The following NPAS3 variants were observed in gnomAD, a reference collection of about 807,000 sequenced individuals.
The protein encoded by NPAS3 is neuronal PAS domain protein 3.
NPAS3 carries 14 observed loss-of-function variants against 73.1 expected under a neutral mutation model. The observed-to-expected ratio is 0.19, with a 90% confidence interval of 0.13 to 0.30. The LOEUF is 0.30. Ranked by LOEUF, NPAS3 falls within the 10% of genes least tolerant of loss-of-function variation. NPAS3 has a pLI of 1.00. For missense variants in NPAS3, 1,096 were observed against 1,250.0 expected (o/e 0.88, Z 1.86); for synonymous variants, 620 against 541.5 (o/e 1.14, Z -2.01).
At chr14:33,426,315 C>T (rs2048552938) in intron 4 of NPAS3, among the ~76,000 whole-genome samples, 1 of 152,022 alleles carries the variant, frequency 6.6e-6, no homozygotes, top group Admixed American at 6.6e-5. Flanking sequence ...CAGATGAAGC[C>T]TCCTGGCAGG....
At chr14:33,804,122 T>G (rs1486171463), downstream of NPAS3, 3 of 152,230 alleles carry the variant, frequency 2.0e-5, no homozygotes, top group African/African-American at 4.8e-5. Context: ...TGTAACTTAA[T>G]TTTTTCATCC....
chr14:33,800,794 C>T lies in NPAS3; in HGVS notation c.2487C>T (p.Ile829=), dbSNP rs760350930. The change falls in exon 12 of 12, where the codon ATC becomes ATT. Residue 829 remains isoleucine, a synonymous_variant. Coordinates refer to ENST00000356141, the Ensembl canonical transcript of NPAS3. This position sits in a 1 kb window ranked among gnomAD's most constrained non-coding sequence, Gnocchi z 6.5. ...AGAGGGTCTACACCACGGGCACCAT[C>T]CGCTACGCGCCCGCCGAGGTGACCC... is the stretch of plus-strand genomic sequence containing the variant. The T allele has an allele frequency of 4.4e-6, 7 of 1,589,028 alleles. No homozygotes were observed. The Admixed American group carries it at 5.3e-5, about 12-fold the overall frequency.
intron 1 of NPAS3, among the ~76,000 whole-genome samples, chr14:32,968,395 T>G (rs1248467585): frequency 6.6e-6 from 1 of 152,216 alleles, no homozygotes; most frequent in African/African-American, 2.4e-5. Context: ...AAAAACTTCC[T>G]AATGTACCTG....
intron 1 of NPAS3, among the ~76,000 whole-genome samples, chr14:32,947,094 T>A (rs777596770): frequency 7.9e-5 from 12 of 152,212 alleles, no homozygotes; most frequent in Non-Finnish European, 1.6e-4. Context: ...TATTTCATTA[T>A]ATCTGATGAA....
At chr14:33,375,691 A>G (rs2046284025) in intron 4 of NPAS3, among the ~76,000 whole-genome samples, 1 of 152,174 alleles carries the variant, frequency 6.6e-6, no homozygotes. Flanking sequence ...CTATGTCCTC[A>G]CCTCAAATAA....
At chr14:33,588,970 G>T (rs1330806926) in intron 5 of NPAS3, among the ~76,000 whole-genome samples, 3 of 152,102 alleles carry the variant, frequency 2.0e-5, no homozygotes, top group Non-Finnish European at 4.4e-5. Context: ...ATAGCTGAGG[G>T]AACACTGTCT....
intron 2 of NPAS3, among the ~76,000 whole-genome samples, chr14:33,121,645 A>C (rs2139038880): frequency 6.6e-6 from 1 of 152,268 alleles, no homozygotes; most frequent in Admixed American, 6.5e-5. Flanking sequence ...TCTCTGACAT[A>C]ACTTTTTAAA....
chr14:33,727,172 G>C (rs530392090), intron 6 of NPAS3, among the ~76,000 whole-genome samples: 1 of 149,174 alleles, frequency 6.7e-6, no homozygotes, highest in Non-Finnish European at 1.5e-5. Context: ...TAAACATGGC[G>C]GTTCAGCTGG....
intron 4 of NPAS3, among the ~76,000 whole-genome samples, chr14:33,419,946 A>G (rs2048304983): frequency 6.6e-6 from 1 of 151,978 alleles, no homozygotes. Flanking sequence ...TGGAAAATAT[A>G]CTTCCAAGTT....
intron 1 of NPAS3, among the ~76,000 whole-genome samples, chr14:33,043,399 G>T (rs2040407297): frequency 6.6e-6 from 1 of 152,052 alleles, no homozygotes; most frequent in Admixed American, 6.6e-5. Flanking sequence ...TCCCTCCAAT[G>T]AATTGTTGTG....
At chr14:33,687,084 T>A (rs1424404190) in intron 6 of NPAS3, among the ~76,000 whole-genome samples, 2 of 152,240 alleles carry the variant, frequency 1.3e-5, no homozygotes, top group East Asian at 3.9e-4. Flanking sequence ...GGAATTAAGA[T>A]AACATTTAGA....
upstream of NPAS3, among the ~76,000 whole-genome samples, chr14:32,935,204 G>A (rs2035658314): frequency 6.6e-6 from 1 of 152,208 alleles, no homozygotes; most frequent in African/African-American, 2.4e-5. Flanking sequence ...CTGGCGAAGT[G>A]AAATCATCCT....
At chr14:33,160,417 A>C (rs17100283) in intron 2 of NPAS3, among the ~76,000 whole-genome samples, 1 of 149,100 alleles carries the variant, frequency 6.7e-6, no homozygotes, top group Non-Finnish European at 1.5e-5. Flanking sequence ...ACTCTGAATT[A>C]ATAGTTTGAT....
chr14:33,648,033 CT>C (rs1176274742), intron 5 of NPAS3, among the ~76,000 whole-genome samples: 1 of 152,174 alleles, frequency 6.6e-6, no homozygotes, highest in East Asian at 1.9e-4. Flanking sequence ...ACCTCCCCTG[CT>C]ACCCTTTCTT....
chr14:33,333,587 CT>C (rs5807716), intron 3 of NPAS3, among the ~76,000 whole-genome samples: 73,392 of 151,804 alleles, frequency 0.48, 19,001 homozygotes, highest in Admixed American at 0.63. Flanking sequence ...CATACCCAGA[CT>C]TTTTTTTCCT....
At chr14:33,244,486 C>T (rs2139847010) in intron 3 of NPAS3, among the ~76,000 whole-genome samples, 1 of 150,670 alleles carries the variant, frequency 6.6e-6, no homozygotes, top group East Asian at 2.0e-4. Flanking sequence ...TATCTTGGAC[C>T]TTATATCTTA....
Position 33,634,629 on chromosome 14 carries a change from T to G in NPAS3, c.559-41582T>G, listed in dbSNP as rs116353921. Among the ~76,000 whole-genome samples the G allele has an allele frequency of 8.9e-3, 1,357 of 152,198 alleles. 26 individuals are homozygous for G. Among genetic ancestry groups the G allele is most frequent in the African/African-American group, 0.03 (1,229 of 41,504 alleles). ...CAGCAATTCCTAGGAGTTTGCGATG[T>G]GAGGTGGGAGGTACTTTTCTCCAAG... On this transcript the variant is annotated intron_variant, in intron 5 of 11. Coordinates refer to ENST00000356141, the Ensembl canonical transcript of NPAS3.
At chr14:33,073,456 T>A (rs2138664917) in intron 2 of NPAS3, among the ~76,000 whole-genome samples, 1 of 152,270 alleles carries the variant, frequency 6.6e-6, no homozygotes, top group East Asian at 1.9e-4. Flanking sequence ...GGGTGGCAAG[T>A]GCTTTTTATA....
At chr14:33,091,340 C>T (rs1447925917) in intron 2 of NPAS3, among the ~76,000 whole-genome samples, 4 of 152,120 alleles carry the variant, frequency 2.6e-5, no homozygotes, top group Non-Finnish European at 5.9e-5. Flanking sequence ...TACAAACTAC[C>T]ATGAGAGAAT....
Sources: allele counts gnomAD v4.1 joint callset (sites outside exome capture counted in the v4.1 genomes callset), GRCh38; gene constraint gnomAD v4.1.1; non-coding constraint Gnocchi (gnomAD v3.1); transcripts MANE v1.5; gene names NCBI Gene and HGNC (gene_info 2026-07-23, HGNC 2026-07-21).